Variants in ZP4 observed in about 807,000 individuals in gnomAD.
The protein encoded by ZP4 is zona pellucida glycoprotein 4, also known as zona pellucida sperm-binding protein 4.
Under a neutral mutation model 62.3 loss-of-function variants are expected in ZP4, and 62 were observed. That is an observed-to-expected ratio of 0.99 (90% CI 0.81 to 1.23). ZP4 has a LOEUF of 1.23. Among genes scored for constraint, ZP4 ranks in the 50% most tolerant of loss-of-function variants. ZP4 has a pLI of 0.00. For synonymous variants in ZP4, 289 were observed against 247.3 expected, an observed-to-expected ratio of 1.17 and a Z score of -1.58; for missense variants, 774 against 656.0, an observed-to-expected ratio of 1.18 and a Z score of -1.97.
At position 237,882,406 on chromosome 1, in the gene ZP4, G is replaced by T. The variant is rs766506480; in HGVS notation, c.*16C>A. On this transcript the variant is annotated 3_prime_UTR_variant, in exon 12 of 12. Coordinates refer to ENST00000366570, the MANE Select transcript of ZP4 (RefSeq NM_021186.5). ...CAAATGAGAAGCTCAGCACAGGCTG[G>T]GAATACACTCTGGTTTTATTGACAC... 2 of 1,609,336 alleles carry T rather than the reference G, an allele frequency of 1.2e-6. No homozygotes were observed. The highest frequency in any genetic ancestry group is 1.7e-6 in the Non-Finnish European group (2 of 1,179,046).
chr1:237,889,702 T>C (rs371250128), intron 3 of ZP4, among the ~76,000 whole-genome samples, 165 bp downstream of exon 3: 1 of 152,106 alleles, frequency 6.6e-6, no homozygotes, highest in Admixed American at 6.5e-5. Context: ...GGAGTCTCAA[T>C]TGGTAGTTAT....
intron 10 of ZP4, among the ~76,000 whole-genome samples, chr1:237,884,295 CAG>C (rs1287986596): frequency 2.0e-5 from 3 of 152,132 alleles, no homozygotes; most frequent in Non-Finnish European, 2.9e-5. Context: ...AATCCAAACT[CAG>C]AGGCTAGGCA....
chr1:237,883,212 C>A (rs1397458758), intron 10 of ZP4, among the ~76,000 whole-genome samples: 5 of 152,242 alleles, frequency 3.3e-5, no homozygotes. Flanking sequence ...GAGTTTAGAT[C>A]TGGTTTTCAA....
chr1:237,888,578 C>A, intron 3 of ZP4, 68 bp from the exon 4 acceptor site: 1 of 1,481,382 alleles, frequency 6.8e-7, no homozygotes, highest in Non-Finnish European at 9.1e-7. Context: ...CATTTTGATA[C>A]AAGTCATTGA....
At chr1:237,883,707 G>GA (rs1664982481) in intron 10 of ZP4, among the ~76,000 whole-genome samples, 1 of 43,884 alleles carries the variant, frequency 2.3e-5, no homozygotes, top group African/African-American at 1.5e-4. Context: ...GGGAGGGCGG[G>GA]GGAGGGCGGG....
Position 237,888,492 on chromosome 1 carries a change from G to T in ZP4, c.419C>A (p.Thr140Asn). 3 of 1,602,124 alleles carry T rather than the reference G, an allele frequency of 1.9e-6. No homozygotes were observed. The highest frequency in any genetic ancestry group is 2.6e-6 in the Non-Finnish European group (3 of 1,171,358). Residue 140 changes from threonine (T) to asparagine (N), a missense_variant, in exon 4 of 12, where the codon ACT becomes AAT. Transcript: ENST00000366570. ...MDLLARDAPD[T>N]DWCDSIPARD... ...TGCTGGGATGGAGTCACACCAGTCA[G>T]TATCTGGAGCATCTCGGGCTAGGTT...
At chr1:237,888,299 G>A in intron 4 of ZP4, 59 bp downstream of exon 4, 2 of 1,461,270 alleles carry the variant, frequency 1.4e-6, no homozygotes, top group Non-Finnish European at 1.8e-6. Flanking sequence ...CCCTCTCTGG[G>A]TTTCATTGTA....
chr1:237,884,037 CACACAA>C lies in ZP4; in HGVS notation c.1390+726_1390+731del, dbSNP rs1206690513. Reference sequence around the variant, plus strand: ...ACACAAACACACACACACACAAACACACACAAACACACACAAACACACACAAACACA... The same window carrying C: ...ACACAAACACACACACACACAAACACACACACACAAACACACACAAACACA... On this transcript the variant is annotated intron_variant, in intron 10 of 11. Coordinates refer to ENST00000366570, the MANE Select transcript of ZP4 (RefSeq NM_021186.5). Among the ~76,000 whole-genome samples the C allele has an allele frequency of 1.7e-3, 201 of 119,124 alleles. 6 individuals are homozygous for C. The South Asian group carries it at 0.023, about 14-fold the overall frequency. 78.1% of individuals were successfully genotyped at this position (119,124 alleles called of 152,430 possible).
intron 10 of ZP4, among the ~76,000 whole-genome samples, chr1:237,883,996 AC>A (rs1558530831): frequency 5.7e-4 from 41 of 71,420 alleles, no homozygotes; most frequent in African/African-American, 1.5e-3. Context: ...ACACACACAC[AC>A]ACACACACAC....
chr1:237,890,485 A>G lies in ZP4; in HGVS notation c.151T>C (p.Ser51Pro). The change falls in exon 1 of 12, where the codon TCT becomes CCT. Residue 51 changes from serine (S) to proline (P), a missense_variant. Transcript: ENST00000366570. Reference protein sequence around the residue: ...FAVNLNQEATSPPVLIAWDNQ... With the variant: ...FAVNLNQEATPPPVLIAWDNQ... ...CCCCAAGCTATTAGTACAGGAGGAG[A>G]CGTTGCCTCCTGGTTGAGGTTTACA... 1 of 1,613,664 alleles carries G rather than the reference A, an allele frequency of 6.2e-7. No homozygotes were observed. The highest frequency in any genetic ancestry group is 8.5e-7 in the Non-Finnish European group (1 of 1,179,866).
Position 237,882,746 on chromosome 1 carries a change from C to T in ZP4, c.1491G>A (p.Lys497=), listed in dbSNP as rs1558529267. The change falls in exon 11 of 12, where the codon AAG becomes AAA. Residue 497 remains lysine (K), a synonymous_variant. Transcript: ENST00000366570. ...TCCTCCCTCTTGGATACTTACGGAG[C>T]TTTTCTGGAGGGTCCTTAGTGGCTT... ...LLQATKDPPE[K]LRVPVDSKVL... is the part of the protein sequence containing the mutation. The T allele has an allele frequency of 6.2e-7, 1 of 1,613,924 alleles. No individual in the cohort carries two copies. The highest frequency in any genetic ancestry group is 8.5e-7 in the Non-Finnish European group (1 of 1,179,936).
Position 237,890,469 on chromosome 1 carries a change from A to G in ZP4, c.167T>C (p.Ile56Thr), listed in dbSNP as rs756736281. ...NQEATSPPVL[I>T]AWDNQGLLHE... ...CAAGTCATCAAACTTACCCCAAGCT[A>G]TTAGTACAGGAGGAGACGTTGCCTC... Residue 56 changes from isoleucine (I) to threonine (T), a missense_variant, in exon 1 of 12, where the codon ATA becomes ACA. By Grantham distance (89) the Ile-to-Thr change is moderately conservative. Transcript: ENST00000366570. 46 of 1,610,636 alleles carry G rather than the reference A, an allele frequency of 2.9e-5. No homozygotes were observed. Among genetic ancestry groups the G allele is most frequent in the Non-Finnish European group, 1.7e-6 (2 of 1,178,904 alleles).
chr1:237,883,746 A>C, intron 10 of ZP4, among the ~76,000 whole-genome samples: 1 of 107,792 alleles, frequency 9.3e-6, no homozygotes, highest in African/African-American at 3.6e-5. Context: ...AGAGAGGGAG[A>C]GAGAGGGAGA....
intron 4 of ZP4, 118 bp from the exon 5 acceptor site, chr1:237,887,679 A>G: frequency 1.9e-6 from 2 of 1,054,350 alleles, no homozygotes; most frequent in Non-Finnish European, 2.7e-6. Flanking sequence ...ACAACTTCCC[A>G]GTGACAACCT....
At chr1:237,886,014 G>T in intron 6 of ZP4, 128 bp from the exon 7 acceptor site, 4 of 1,291,212 alleles carry the variant, frequency 3.1e-6, no homozygotes, top group South Asian at 2.9e-5. Flanking sequence ...TGTGGTTCCT[G>T]CCCTGCTGGG....
chr1:237,889,839 C>A, intron 3 of ZP4, 28 bp downstream of exon 3: 1 of 1,583,328 alleles, frequency 6.3e-7, no homozygotes, highest in Non-Finnish European at 8.7e-7. Context: ...ACCACCCCCA[C>A]AAGACCCTGA....
In ZP4 at chr1:237,887,286, A is replaced by G. The variant is rs530071868; in HGVS notation, c.741+88T>C. On this transcript the variant is annotated intron_variant, in intron 5 of 11. Coordinates refer to ENST00000366570, the MANE Select transcript of ZP4 (RefSeq NM_021186.5). Reference sequence around the variant, plus strand: ...CAAGTAGTAGTCACAAGTATCGTTCACGGCCAACATATTTCAGCTCTCCCC... The same window carrying G: ...CAAGTAGTAGTCACAAGTATCGTTCGCGGCCAACATATTTCAGCTCTCCCC... 21 of 1,467,898 alleles carry G rather than the reference A, an allele frequency of 1.4e-5. No homozygotes were observed. The African/African-American group carries it at 2.0e-4, about 14-fold the overall frequency. The allele number at this position is 1,467,898 out of a possible 1,614,324, so 90.9% of individuals were successfully genotyped here.
chr1:237,882,913 T>C (rs1454015318), intron 10 of ZP4, 67 bp from the exon 11 acceptor site: 3 of 1,403,396 alleles, frequency 2.1e-6, no homozygotes, highest in Non-Finnish European at 3.0e-6. Context: ...TAGAAAATGT[T>C]ATGGTGCAAG....
At chr1:237,888,260 A>G (rs1434802056) in intron 4 of ZP4, 98 bp downstream of exon 4, 2 of 1,316,512 alleles carry the variant, frequency 1.5e-6, no homozygotes, top group Non-Finnish European at 2.0e-6. Context: ...GCAGCCTGCT[A>G]TCACTTGATG....
Sources: gnomAD v4.1 joint callset for allele counts (sites outside exome capture counted in the v4.1 genomes callset) on GRCh38, gnomAD v4.1.1 for gene constraint, MANE v1.5 for transcripts, NCBI Gene and HGNC (gene_info 2026-07-23, HGNC 2026-07-21) for gene names.